The following SLC39A11 variants were observed in gnomAD, a reference collection of about 807,000 sequenced individuals.
SLC39A11 encodes the protein zinc transporter ZIP11.
SLC39A11 carries 33 observed loss-of-function variants against 36.1 expected under a neutral mutation model. The ratio of observed to expected loss-of-function variants is 0.91; its 90% CI spans 0.69 to 1.22. The LOEUF (loss-of-function observed/expected upper bound fraction) is 1.22. SLC39A11 is among the 50% of genes most tolerant of loss of function. The pLI is 0.00. For synonymous variants in SLC39A11, 166 were observed against 170.3 expected (o/e 0.97, Z 0.20); for missense variants, 432 against 430.3 (o/e 1.00, Z -0.03).
At position 72,741,762 on chromosome 17, in the gene SLC39A11, G is replaced by A. The variant is rs74879917; in HGVS notation, c.602-5043C>T. On this transcript the variant is annotated intron_variant, in intron 6 of 9. Coordinates refer to ENST00000255559, the MANE Select transcript of SLC39A11 (RefSeq NM_139177.4). The stretch of plus-strand genomic sequence containing the variant: ...AGAGACACAGGTGGGTTCTGAGTCC[G>A]AGGCCCAGGGTGTTGGTCCTTCATT... Among the ~76,000 whole-genome samples the A allele has an allele frequency of 2.9e-3, 440 of 152,272 alleles. 8 individuals carry two copies. In the East Asian group the frequency reaches 0.032, roughly 11 times the overall value.
intron 7 of SLC39A11, among the ~76,000 whole-genome samples, chr17:72,652,385 T>C (rs149228398): frequency 9.7e-4 from 148 of 152,336 alleles, no homozygotes; most frequent in African/African-American, 3.3e-3. Flanking sequence ...GGTCTGTGCT[T>C]TGTTAGCTGT....
chr17:72,922,113 C>A (rs751267608), intron 5 of SLC39A11, among the ~76,000 whole-genome samples: 60 of 152,184 alleles, frequency 3.9e-4, no homozygotes, highest in Non-Finnish European at 7.2e-4. Flanking sequence ...CCCACATCGG[C>A]AGACCTTATA....
At chr17:72,861,666 T>TATATATATATATATATATATATAAA (rs1464575682) in intron 5 of SLC39A11, among the ~76,000 whole-genome samples, 1 of 107,090 alleles carries the variant, frequency 9.3e-6, no homozygotes, top group African/African-American at 4.0e-5. Context: ...ATTATATATA[T>TATATATATATATATATATATATAAA]ATATATATAT....
At chr17:72,718,069 G>A (rs1217422391) in intron 7 of SLC39A11, among the ~76,000 whole-genome samples, 5 of 152,162 alleles carry the variant, frequency 3.3e-5, no homozygotes, top group South Asian at 2.1e-4. Context: ...AGTTAACACC[G>A]AATACAAAAT....
chr17:73,052,848 G>A (rs564036878), intron 3 of SLC39A11, among the ~76,000 whole-genome samples: 3 of 152,174 alleles, frequency 2.0e-5, no homozygotes, highest in East Asian at 1.9e-4. Flanking sequence ...TTACAGGAGC[G>A]TGCCATCATG....
intron 6 of SLC39A11, among the ~76,000 whole-genome samples, chr17:72,741,909 T>A (rs1045816463): frequency 1.3e-5 from 2 of 152,014 alleles, no homozygotes; most frequent in Non-Finnish European, 2.9e-5. Context: ...TAAGCAAGAA[T>A]GAGTACCCAG....
intron 5 of SLC39A11, among the ~76,000 whole-genome samples, chr17:72,866,285 T>C (rs1257122298): frequency 1.3e-5 from 2 of 152,202 alleles, no homozygotes; most frequent in Non-Finnish European, 2.9e-5. Context: ...TGCCTGATGA[T>C]CTGTCACTGC....
rs149420782 is a variant in SLC39A11 at position 73,053,405 on chromosome 17, G to A, written c.148-21691C>T. On this transcript the variant is annotated intron_variant, in intron 3 of 9. Coordinates refer to ENST00000255559, the MANE Select transcript of SLC39A11 (RefSeq NM_139177.4). ...TAGAGGAAAACTGATACCCACAGTC[G>A]CAGACTTACATCAAACCCAAACAGC... is the stretch of plus-strand genomic sequence containing the variant. Among the ~76,000 whole-genome samples the A allele has an allele frequency of 2.0e-3, 303 of 152,186 alleles. 1 individual carries two copies. The highest frequency in any genetic ancestry group is 6.7e-3 in the African/African-American group (279 of 41,510).
chr17:73,002,704 T>C (rs2089890468), intron 4 of SLC39A11, among the ~76,000 whole-genome samples: 1 of 152,230 alleles, frequency 6.6e-6, no homozygotes, highest in South Asian at 2.1e-4. Context: ...TTATCACAAA[T>C]GCAATGGCTT....
chr17:72,797,670 G>A (rs765767215), intron 6 of SLC39A11, among the ~76,000 whole-genome samples: 4 of 152,222 alleles, frequency 2.6e-5, no homozygotes, highest in South Asian at 2.1e-4. Context: ...ACTAACTCAC[G>A]GGATGCACAC....
At chr17:72,936,277 G>A (rs1002937387) in intron 5 of SLC39A11, among the ~76,000 whole-genome samples, 1 of 152,054 alleles carries the variant, frequency 6.6e-6, no homozygotes, top group South Asian at 2.1e-4. Flanking sequence ...TTGAGACCAA[G>A]TTGCACATTT....
At chr17:72,694,366 T>C (rs957070756) in intron 7 of SLC39A11, among the ~76,000 whole-genome samples, 2 of 152,230 alleles carry the variant, frequency 1.3e-5, no homozygotes, top group African/African-American at 4.8e-5. Context: ...ATTGGCTCCT[T>C]AGGATACCTC....
chr17:72,954,586 A>T (rs1034290667), intron 4 of SLC39A11, among the ~76,000 whole-genome samples: 2 of 152,258 alleles, frequency 1.3e-5, no homozygotes, highest in Non-Finnish European at 2.9e-5. Context: ...AACCCCAGAC[A>T]CACAAGGCAA....
At chr17:72,841,227 C>A (rs756090080) in intron 6 of SLC39A11, among the ~76,000 whole-genome samples, 1 of 152,128 alleles carries the variant, frequency 6.6e-6, no homozygotes, top group Non-Finnish European at 1.5e-5. Flanking sequence ...CCAAAAAGAA[C>A]GCAGTATAGA....
chr17:72,838,787 G>C (rs1443166641), intron 6 of SLC39A11, among the ~76,000 whole-genome samples: 3 of 152,114 alleles, frequency 2.0e-5, no homozygotes, highest in Non-Finnish European at 4.4e-5. Flanking sequence ...GAAAAAGAAT[G>C]TCAGCTATAA....
At chr17:73,004,272 A>G (rs185129625) in intron 4 of SLC39A11, among the ~76,000 whole-genome samples, 1 of 152,270 alleles carries the variant, frequency 6.6e-6, no homozygotes, top group Admixed American at 6.5e-5. Context: ...CACAGACTAC[A>G]GGGCTTCCGC....
chr17:72,998,575 G>A (rs2089644434), intron 4 of SLC39A11, among the ~76,000 whole-genome samples: 1 of 152,148 alleles, frequency 6.6e-6, no homozygotes, highest in Admixed American at 6.5e-5. Flanking sequence ...ATGAATCACA[G>A]AAAACAAAGA....
intron 7 of SLC39A11, 94 bp downstream of exon 7, chr17:72,736,556 C>T (rs915761979): frequency 3.7e-6 from 4 of 1,092,698 alleles, no homozygotes; most frequent in Admixed American, 1.7e-5. Context: ...GGGTGCTGAA[C>T]AATAATGCAC....
intron 4 of SLC39A11, among the ~76,000 whole-genome samples, chr17:72,948,279 C>A (rs919689350): frequency 2.1e-4 from 31 of 145,962 alleles, no homozygotes; most frequent in African/African-American, 7.4e-4. Context: ...CGCACACATA[C>A]CAAACCCCAC....
Sources: gnomAD v4.1 joint callset for allele counts (sites outside exome capture counted in the v4.1 genomes callset) on GRCh38, gnomAD v4.1.1 for gene constraint, MANE v1.5 for transcripts, NCBI Gene and HGNC (gene_info 2026-07-23, HGNC 2026-07-21) for gene names.